The following SBF2 variants were observed in gnomAD, a reference collection of about 807,000 sequenced individuals.
SBF2 encodes myotubularin-related protein 13.
A neutral mutation model predicts 225.2 loss-of-function variants in SBF2; 112 were observed. The observed-to-expected ratio is 0.50, with a 90% CI of 0.43 to 0.58. SBF2 has a LOEUF of 0.58. Ranked by LOEUF, SBF2 falls within the 20% of genes least tolerant of loss-of-function variation. The probability of loss-of-function intolerance (pLI) is 0.00; values close to 1 mark genes in which losing one functional copy is unlikely to be tolerated. For missense variants in SBF2, 1,996 were observed against 2,206.2 expected (o/e 0.90, Z 1.91); for synonymous variants, 763 against 773.3 (o/e 0.99, Z 0.22).
In SBF2 at chr11:10,002,707, A is replaced by T; in HGVS notation, c.620-18T>A. On this transcript the variant is annotated intron_variant, in intron 6 of 39. Transcript: ENST00000256190. Reference sequence around the variant, plus strand: ...TTGAATTCCTGAAAACATAAGAGCAAGGACTTACAAATGCATTTAATTTTA... The same window carrying T: ...TTGAATTCCTGAAAACATAAGAGCATGGACTTACAAATGCATTTAATTTTA... 1 of 1,611,188 alleles carries T rather than the reference A, an allele frequency of 6.2e-7. No homozygotes were observed. Among genetic ancestry groups the T allele is most frequent in the Non-Finnish European group, 8.5e-7 (1 of 1,177,394 alleles).
At chr11:10,283,785 GT>G (rs1963570877) in intron 1 of SBF2, among the ~76,000 whole-genome samples, 1 of 152,138 alleles carries the variant, frequency 6.6e-6, no homozygotes, top group African/African-American at 2.4e-5. Context: ...TTCTGCCATA[GT>G]TCACAGGCAA....
chr11:9,873,804 T>C (rs1858985174), intron 17 of SBF2, among the ~76,000 whole-genome samples: 2 of 152,168 alleles, frequency 1.3e-5, no homozygotes, highest in Admixed American at 1.3e-4. Context: ...ATCCCAGCAC[T>C]TTGGGAGGCC....
intron 1 of SBF2, among the ~76,000 whole-genome samples, chr11:10,217,972 T>G (rs1339322653): frequency 1.3e-5 from 2 of 152,068 alleles, no homozygotes; most frequent in African/African-American, 4.8e-5. Flanking sequence ...CGATCTCAGC[T>G]CACTGCAACC....
At position 10,150,531 on chromosome 11, in the gene SBF2, A is replaced by G. The variant is rs535137767; in HGVS notation, c.141+43371T>C. 6.4e-4 allele frequency among the ~76,000 whole-genome samples: 97 copies of G among 152,278 alleles called. 2 individuals are homozygous for G. The highest frequency in any genetic ancestry group is 3.5e-4 in the Non-Finnish European group (24 of 67,996). On this transcript the variant is annotated intron_variant, in intron 2 of 39. Coordinates refer to ENST00000256190, the MANE Select transcript of SBF2 (RefSeq NM_030962.4). ...TAATTTAATATTTAAATTTACTTTG[A>G]AATGTTTTAAAATCTATTTCAAAGA...
At chr11:10,249,069 C>T (rs1960080505) in intron 1 of SBF2, among the ~76,000 whole-genome samples, 1 of 151,662 alleles carries the variant, frequency 6.6e-6, no homozygotes, top group African/African-American at 2.4e-5. Flanking sequence ...GCACTCCAGC[C>T]TGGGTGACAG....
At position 10,109,576 on chromosome 11, in the gene SBF2, T is replaced by G. The variant is rs541680665; in HGVS notation, c.142-66595A>C. On this transcript the variant is annotated intron_variant, in intron 2 of 39. Coordinates refer to ENST00000256190, the MANE Select transcript of SBF2 (RefSeq NM_030962.4). ...AGGGAGGCACTCAGTGCACACAACA[T>G]GATATTCTGAGAATCCAAATTTATC... is the stretch of plus-strand genomic sequence containing the variant. Among the ~76,000 whole-genome samples the G allele has an allele frequency of 4.6e-5, 7 of 152,314 alleles. No individual in the cohort carries two copies. The South Asian group carries it at 1.5e-3, about 32-fold the overall frequency.
rs151036108 is a variant in SBF2, at chr11:9,989,509, T to C, written c.1383A>G (p.Gln461=). The change falls in exon 13 of 40, where the codon CAA becomes CAG. Residue 461 remains glutamine, a synonymous_variant. Coordinates refer to ENST00000256190, the MANE Select transcript of SBF2 (RefSeq NM_030962.4). ...TATACTTACTTACATTTTTGAATAG[T>C]TGCTCAGCAAGTTCCCTGACATGCT... ...MIKHVRELAE[Q]LFKNENPNPH... 1.6e-5 allele frequency: 26 copies of C among 1,585,350 alleles called. No homozygotes were observed. The highest frequency in any genetic ancestry group is 2.1e-5 in the Non-Finnish European group (24 of 1,155,398).
intron 2 of SBF2, among the ~76,000 whole-genome samples, chr11:10,134,755 C>A (rs1483453977): frequency 1.3e-5 from 2 of 152,186 alleles, no homozygotes; most frequent in Non-Finnish European, 2.9e-5. Context: ...TTGGGCAGCT[C>A]CGCCCCTGTG....
chr11:9,837,311 C>A (rs1855790352), intron 26 of SBF2, among the ~76,000 whole-genome samples: 1 of 152,214 alleles, frequency 6.6e-6, no homozygotes, highest in Non-Finnish European at 1.5e-5. Context: ...GGAGCTCATT[C>A]TTACTCTCTT....
At chr11:9,859,062 T>C (rs1590241509) in intron 17 of SBF2, among the ~76,000 whole-genome samples, 1 of 152,216 alleles carries the variant, frequency 6.6e-6, no homozygotes, top group African/African-American at 2.4e-5. Flanking sequence ...GACTTCCTGC[T>C]GGGTTTCAGC....
chr11:10,118,791 G>T (rs1459981999), intron 2 of SBF2, among the ~76,000 whole-genome samples: 1 of 151,496 alleles, frequency 6.6e-6, no homozygotes, highest in Non-Finnish European at 1.5e-5. Flanking sequence ...AAGAACATTA[G>T]AAAATCTCAA....
chr11:9,868,102 T>A (rs1858384927), intron 17 of SBF2, among the ~76,000 whole-genome samples: 1 of 152,140 alleles, frequency 6.6e-6, no homozygotes. Context: ...TGTATCAAAA[T>A]ATCACTTGTA....
chr11:10,255,317 C>G (rs191434469), intron 1 of SBF2, among the ~76,000 whole-genome samples: 34 of 152,126 alleles, frequency 2.2e-4, no homozygotes, highest in Admixed American at 5.2e-4. Context: ...ATACATATTT[C>G]AAAACATTAT....
chr11:10,248,804 A>G (rs1960047395), intron 1 of SBF2, among the ~76,000 whole-genome samples: 1 of 152,188 alleles, frequency 6.6e-6, no homozygotes. Context: ...ACCCTGTAAA[A>G]CAAATTCTAG....
At chr11:9,914,314 GC>G (rs1862892451) in intron 16 of SBF2, among the ~76,000 whole-genome samples, 1 of 152,192 alleles carries the variant, frequency 6.6e-6, no homozygotes, top group African/African-American at 2.4e-5. Context: ...AATAAAGAAT[GC>G]CTTTGATGGG....
At chr11:10,111,344 A>G (rs1952830436) in intron 2 of SBF2, among the ~76,000 whole-genome samples, 1 of 152,236 alleles carries the variant, frequency 6.6e-6, no homozygotes, top group Non-Finnish European at 1.5e-5. Flanking sequence ...CATGCATCAG[A>G]AATAAATGCG....
At chr11:10,172,020 T>A (rs1565313225) in intron 2 of SBF2, among the ~76,000 whole-genome samples, 1 of 152,152 alleles carries the variant, frequency 6.6e-6, no homozygotes, top group Non-Finnish European at 1.5e-5. Flanking sequence ...TTTTATTTAT[T>A]TGGGTCTTTA....
At chr11:10,271,126 G>A (rs972225753) in intron 1 of SBF2, among the ~76,000 whole-genome samples, 1 of 151,652 alleles carries the variant, frequency 6.6e-6, no homozygotes, top group African/African-American at 2.4e-5. Context: ...ACCCACTGGA[G>A]TGGTTATGAT....
intron 2 of SBF2, among the ~76,000 whole-genome samples, chr11:10,128,302 C>G (rs1030496830): frequency 1.3e-5 from 2 of 152,164 alleles, no homozygotes; most frequent in African/African-American, 4.8e-5. Context: ...CACCTAAACA[C>G]AGAAGTTGGG....
Sources: allele counts gnomAD v4.1 joint callset (sites outside exome capture counted in the v4.1 genomes callset), GRCh38; gene constraint gnomAD v4.1.1; transcripts MANE v1.5; gene names NCBI Gene and HGNC (gene_info 2026-07-23, HGNC 2026-07-21).